The following ANK2 variants were observed in gnomAD, a reference collection of about 807,000 sequenced individuals.
The protein encoded by ANK2 is ankyrin-2.
Under a neutral mutation model 360.5 loss-of-function variants are expected in ANK2, and 83 were observed. That is an observed-to-expected ratio of 0.23 (90% CI 0.19 to 0.28). The LOEUF is 0.28. Among genes scored for constraint, ANK2 ranks in the 10% least tolerant of loss-of-function variants. ANK2 has a pLI of 1.00. For synonymous variants in ANK2, 1,740 were observed against 1,759.5 expected, an observed-to-expected ratio of 0.99 and a Z score of 0.28; for missense variants, 4,201 against 4,795.7, an observed-to-expected ratio of 0.88 and a Z score of 3.66.
At chr4:113,174,196 C>T (rs916818246) in intron 1 of ANK2, among the ~76,000 whole-genome samples, 2 of 152,124 alleles carry the variant, frequency 1.3e-5, no homozygotes, top group Non-Finnish European at 2.9e-5. Flanking sequence ...CTTTTATACT[C>T]TAAAATATTG....
chr4:113,110,965 T>C (rs2094226443), intron 1 of ANK2, among the ~76,000 whole-genome samples: 1 of 152,154 alleles, frequency 6.6e-6, no homozygotes. Flanking sequence ...TTTTGAAAAA[T>C]AAGAAAATAT....
At chr4:113,307,409 C>T (rs1247205736) in intron 23 of ANK2, among the ~76,000 whole-genome samples, 2 of 126,368 alleles carry the variant, frequency 1.6e-5, no homozygotes, top group Non-Finnish European at 3.2e-5. Context: ...GGAGCCATTC[C>T]ACCTTTTTTT....
At chr4:112,971,262 A>T (rs1170159196) in intron 2 of ANK2, among the ~76,000 whole-genome samples, 1 of 152,232 alleles carries the variant, frequency 6.6e-6, no homozygotes, top group East Asian at 1.9e-4. Context: ...ACAGAGCCAT[A>T]AAGCATACCT....
intron 2 of ANK2, among the ~76,000 whole-genome samples, chr4:113,182,781 A>G (rs1047354165): frequency 2.0e-5 from 3 of 152,206 alleles, no homozygotes; most frequent in South Asian, 2.1e-4. Flanking sequence ...AGCTCATTCA[A>G]TGGATGACGG....
chr4:113,018,779 T>C (rs928860046), intron 2 of ANK2, among the ~76,000 whole-genome samples: 5 of 152,220 alleles, frequency 3.3e-5, no homozygotes, highest in Admixed American at 2.6e-4. Flanking sequence ...AATTTGCAGG[T>C]AGTGTCATTC....
chr4:113,338,341 G>A (rs1276339931), intron 31 of ANK2, among the ~76,000 whole-genome samples: 2 of 152,054 alleles, frequency 1.3e-5, no homozygotes, highest in African/African-American at 4.8e-5. Context: ...GTCACCATTA[G>A]CCTTCATGGT....
At chr4:113,176,017 G>A (rs1049928357) in intron 2 of ANK2, among the ~76,000 whole-genome samples, 2 of 152,190 alleles carry the variant, frequency 1.3e-5, no homozygotes, top group Admixed American at 6.5e-5. Flanking sequence ...GGTGGTGCTC[G>A]CAGTGAGCAA....
At chr4:113,067,095 A>G (rs2075897471) in intron 1 of ANK2, among the ~76,000 whole-genome samples, 1 of 150,164 alleles carries the variant, frequency 6.7e-6, no homozygotes, top group Admixed American at 6.7e-5. Flanking sequence ...ATGTAGCCAG[A>G]GGGGACTTTG....
intron 1 of ANK2, among the ~76,000 whole-genome samples, chr4:112,835,447 G>C (rs1467118213): frequency 3.3e-5 from 5 of 151,940 alleles, no homozygotes; most frequent in African/African-American, 1.2e-4. Flanking sequence ...ATAATGAATA[G>C]TAAACTATAT....
chr4:112,847,564 C>G (rs769567021), intron 1 of ANK2, among the ~76,000 whole-genome samples: 53 of 152,188 alleles, frequency 3.5e-4, no homozygotes, highest in Middle Eastern at 6.8e-3. Context: ...GCACGGCTAC[C>G]ATATTTGTCT....
At chr4:112,902,996 A>T (rs2083935080) in intron 1 of ANK2, among the ~76,000 whole-genome samples, 1 of 152,314 alleles carries the variant, frequency 6.6e-6, no homozygotes, top group South Asian at 2.1e-4. Flanking sequence ...CCTTGACTCC[A>T]TCCATAATAG....
At chr4:113,038,597 C>T (rs755244094) in intron 2 of ANK2, among the ~76,000 whole-genome samples, 3 of 151,948 alleles carry the variant, frequency 2.0e-5, no homozygotes, top group Non-Finnish European at 2.9e-5. Flanking sequence ...ACCTTTCCAC[C>T]TACCCCTCAA....
intron 2 of ANK2, among the ~76,000 whole-genome samples, chr4:113,179,917 G>A (rs2098354269): frequency 6.6e-6 from 1 of 152,178 alleles, no homozygotes; most frequent in Non-Finnish European, 1.5e-5. Flanking sequence ...CTATCACTTA[G>A]CATTTATTTA....
chr4:113,049,520 T>G, upstream of ANK2: 1 of 929,854 alleles, frequency 1.1e-6, no homozygotes, highest in Non-Finnish European at 1.5e-6. Context: ...CTGATGGTAA[T>G]TGGTTGAATC....
At chr4:113,171,786 A>G (rs1021858040) in intron 1 of ANK2, among the ~76,000 whole-genome samples, 7 of 152,202 alleles carry the variant, frequency 4.6e-5, no homozygotes, top group African/African-American at 1.4e-4. Context: ...TTACTCTATA[A>G]CGGCAAAAGC....
intron 1 of ANK2, among the ~76,000 whole-genome samples, chr4:112,835,854 G>A (rs1331440363): frequency 1.3e-5 from 2 of 152,124 alleles, no homozygotes; most frequent in African/African-American, 2.4e-5. Context: ...TCAATAAATA[G>A]TGCCACTTTT....
At chr4:113,237,198 G>T in intron 6 of ANK2, 26 bp downstream of exon 6, 1 of 1,606,578 alleles carries the variant, frequency 6.2e-7, no homozygotes. Flanking sequence ...CACATTTGTG[G>T]AAAGGAACTC....
At chr4:113,275,874 T>TA (rs2060036361) in intron 15 of ANK2, among the ~76,000 whole-genome samples, 1 of 150,862 alleles carries the variant, frequency 6.6e-6, no homozygotes, top group Admixed American at 6.6e-5. Context: ...ATTTAGGATT[T>TA]AAAAAATATA....
At chr4:113,137,970 T>G (rs2096499243) in intron 1 of ANK2, among the ~76,000 whole-genome samples, 1 of 152,046 alleles carries the variant, frequency 6.6e-6, no homozygotes, top group East Asian at 1.9e-4. Context: ...ATTTCTGGAG[T>G]TTTTGATTGC....
Sources: allele counts gnomAD v4.1 joint callset (sites outside exome capture counted in the v4.1 genomes callset), GRCh38; gene constraint gnomAD v4.1.1; transcripts MANE v1.5; gene names NCBI Gene and HGNC (gene_info 2026-07-23, HGNC 2026-07-21).